The following CLSTN2 variants were observed in gnomAD, a reference collection of about 807,000 sequenced individuals.
CLSTN2 encodes the protein calsyntenin-2.
In CLSTN2, 48 loss-of-function variants were observed where a neutral mutation model predicts 101.2. That is an observed-to-expected ratio of 0.47 (90% CI 0.38 to 0.60). The LOEUF is 0.60. CLSTN2 is among the 20% of genes least tolerant of loss of function. CLSTN2 has a pLI of 0.00. For missense variants in CLSTN2, 1,160 were observed against 1,238.2 expected, an observed-to-expected ratio of 0.94 and a Z score of 0.95; for synonymous variants, 481 against 463.6, an observed-to-expected ratio of 1.04 and a Z score of -0.48.
At chr3:140,394,486 A>G (rs1022869169) in intron 2 of CLSTN2, among the ~76,000 whole-genome samples, 1 of 152,216 alleles carries the variant, frequency 6.6e-6, no homozygotes, top group South Asian at 2.1e-4. Context: ...TCTTACAGCT[A>G]CAGCACTTCT....
chr3:140,502,942 C>A (rs1056302854), intron 8 of CLSTN2, among the ~76,000 whole-genome samples: 1 of 152,156 alleles, frequency 6.6e-6, no homozygotes, highest in African/African-American at 2.4e-5. Flanking sequence ...GTCTCCGGGG[C>A]TAAAATCAAT....
At chr3:140,233,176 C>G (rs548952619) in intron 2 of CLSTN2, among the ~76,000 whole-genome samples, 1 of 152,308 alleles carries the variant, frequency 6.6e-6, no homozygotes. Context: ...CCTTCTCAGA[C>G]TCAAGTCTCT....
chr3:139,978,647 A>C, intron 1 of CLSTN2, among the ~76,000 whole-genome samples: 1 of 62,750 alleles, frequency 1.6e-5, no homozygotes, highest in Non-Finnish European at 3.1e-5. Flanking sequence ...GGGATGGGGG[A>C]TTGTGTGTGT....
intron 1 of CLSTN2, among the ~76,000 whole-genome samples, chr3:140,017,134 C>A (rs1035445040): frequency 6.6e-6 from 1 of 152,118 alleles, no homozygotes; most frequent in Non-Finnish European, 1.5e-5. Flanking sequence ...TTGTGTGGCT[C>A]GCTGTGGATC....
intron 1 of CLSTN2, among the ~76,000 whole-genome samples, chr3:140,169,056 A>G (rs1244016597): frequency 1.3e-5 from 2 of 152,074 alleles, no homozygotes; most frequent in Non-Finnish European, 2.9e-5. Context: ...TTGGAGTTAC[A>G]TTAAATCTAT....
chr3:140,140,750 C>T (rs1029977387), intron 1 of CLSTN2, among the ~76,000 whole-genome samples: 1 of 152,172 alleles, frequency 6.6e-6, no homozygotes, highest in East Asian at 1.9e-4. Flanking sequence ...GAGGGACACA[C>T]CTTTAAAGTG....
At chr3:140,509,956 A>G (rs530642705) in intron 8 of CLSTN2, among the ~76,000 whole-genome samples, 1 of 152,374 alleles carries the variant, frequency 6.6e-6, no homozygotes, top group Non-Finnish European at 1.5e-5. Context: ...TGAAAATACC[A>G]TAAATTAAAA....
chr3:139,979,263 C>T (rs1196631452), intron 1 of CLSTN2, among the ~76,000 whole-genome samples: 1 of 152,202 alleles, frequency 6.6e-6, no homozygotes, highest in Non-Finnish European at 1.5e-5. Flanking sequence ...TAGCAATGAC[C>T]ATTGCCCCAG....
At chr3:140,374,707 T>C (rs1477422058) in intron 2 of CLSTN2, among the ~76,000 whole-genome samples, 7 of 152,222 alleles carry the variant, frequency 4.6e-5, no homozygotes, top group Non-Finnish European at 1.0e-4. Context: ...ATCCTGTAGC[T>C]CTTAAATAAA....
intron 8 of CLSTN2, among the ~76,000 whole-genome samples, chr3:140,506,372 G>A (rs1157247649): frequency 6.6e-6 from 1 of 152,000 alleles, no homozygotes; most frequent in Non-Finnish European, 1.5e-5. Flanking sequence ...CCTTTACACA[G>A]CATGAATATT....
intron 5 of CLSTN2, among the ~76,000 whole-genome samples, chr3:140,440,808 C>T (rs1204712927): frequency 6.6e-6 from 1 of 152,186 alleles, no homozygotes; most frequent in African/African-American, 2.4e-5. Flanking sequence ...GAAACTGCGG[C>T]TCAGAAAGAT....
In CLSTN2 at chr3:140,194,674, G is replaced by A. The variant is rs114800261; in HGVS notation, c.232+18601G>A. 4.6e-3 allele frequency among the ~76,000 whole-genome samples: 706 copies of A among 152,146 alleles called. 1 individual carries two copies. The highest frequency in any genetic ancestry group is 7.4e-3 in the Non-Finnish European group (500 of 68,000). ...TTTTTCTGACATTGCTTCAGCAATGGGGGCATCACCTCCTTACTGCTAACT... is the reference window on the plus strand; with the variant it reads ...TTTTTCTGACATTGCTTCAGCAATGAGGGCATCACCTCCTTACTGCTAACT... On this transcript the variant is annotated intron_variant, in intron 2 of 16. Transcript: ENST00000458420.
At chr3:140,301,448 T>C (rs1248338535) in intron 2 of CLSTN2, among the ~76,000 whole-genome samples, 4 of 152,244 alleles carry the variant, frequency 2.6e-5, no homozygotes, top group African/African-American at 9.6e-5. Flanking sequence ...AATGTCTACC[T>C]TCACAGAAGA....
At chr3:140,112,365 G>A (rs2350495) in intron 1 of CLSTN2, among the ~76,000 whole-genome samples, 2 of 73,098 alleles carry the variant, frequency 2.7e-5, no homozygotes, top group Non-Finnish European at 4.9e-5. Flanking sequence ...GTGTGTGTGT[G>A]TGTGTTTTTT....
At chr3:140,413,619 T>G (rs2088391527) in intron 4 of CLSTN2, among the ~76,000 whole-genome samples, 1 of 152,148 alleles carries the variant, frequency 6.6e-6, no homozygotes. Context: ...CAGGCCAATA[T>G]TTCTGATGAG....
At chr3:140,269,728 G>T (rs1320696142) in intron 2 of CLSTN2, among the ~76,000 whole-genome samples, 1 of 152,182 alleles carries the variant, frequency 6.6e-6, no homozygotes, top group Non-Finnish European at 1.5e-5. Flanking sequence ...GTGAGATGTA[G>T]CTCCTAAACT....
intron 1 of CLSTN2, among the ~76,000 whole-genome samples, chr3:140,171,508 C>T (rs1018759926): frequency 1.2e-4 from 18 of 149,598 alleles, no homozygotes; most frequent in Admixed American, 6.9e-4. Context: ...AAGGGAACAG[C>T]CACTGCTTCA....
chr3:140,224,428 C>T (rs1295430257), intron 2 of CLSTN2, among the ~76,000 whole-genome samples: 1 of 152,108 alleles, frequency 6.6e-6, no homozygotes, highest in Admixed American at 6.5e-5. Context: ...TTAATATGAG[C>T]AGGGACTGTC....
intron 8 of CLSTN2, among the ~76,000 whole-genome samples, chr3:140,515,083 T>A (rs1169478725): frequency 6.6e-6 from 1 of 152,210 alleles, no homozygotes; most frequent in African/African-American, 2.4e-5. Flanking sequence ...AGTTTCTGTT[T>A]CTTCCTGGTT....
Sources: allele counts gnomAD v4.1 joint callset (sites outside exome capture counted in the v4.1 genomes callset), GRCh38; gene constraint gnomAD v4.1.1; transcripts MANE v1.5; gene names NCBI Gene and HGNC (gene_info 2026-07-23, HGNC 2026-07-21).